LRRC3C: variants seen among roughly 807,000 people sequenced by gnomAD.
LRRC3C encodes the protein leucine-rich repeat-containing protein 3C.
A neutral mutation model predicts 14.8 loss-of-function variants in LRRC3C; 11 were observed. The ratio of observed to expected loss-of-function variants is 0.74; its 90% confidence interval spans 0.47 to 1.23. The LOEUF (loss-of-function observed/expected upper bound fraction) is 1.23. Ranked by LOEUF, LRRC3C falls within the 50% of genes most tolerant of loss-of-function variation. The pLI, the probability that LRRC3C is intolerant of heterozygous loss-of-function variation, is 0.00. For missense variants in LRRC3C, 354 were observed against 361.8 expected (o/e 0.98, Z 0.18); for synonymous variants, 149 against 161.5 (o/e 0.92, Z 0.59).
rs1281268608 is a variant in LRRC3C, at chr17:39,944,304, T to C, written c.398T>C (p.Leu133Pro). Residue 133 changes from leucine to proline, a missense_variant, in exon 4 of 4, where the codon CTC becomes CCC. By Grantham distance (98) the Leu-to-Pro change is moderately conservative. Coordinates refer to ENST00000377924, the MANE Select transcript of LRRC3C (RefSeq NM_001195545.2). ...FQGLEGTLRH[L>P]DLSANQLASV... The stretch of plus-strand genomic sequence containing the variant: ...GGCCTGGAGGGCACATTGCGCCACC[T>C]CGACCTCTCTGCCAACCAGCTGGCC... 1 of 1,535,544 alleles carries C rather than the reference T, an allele frequency of 6.5e-7. No homozygotes were observed. The highest frequency in any genetic ancestry group is 2.0e-5 in the Admixed American group (1 of 50,862).
intron 1 of LRRC3C, among the ~76,000 whole-genome samples, chr17:39,931,537 C>T (rs916793499): frequency 1.3e-5 from 2 of 149,690 alleles, no homozygotes; most frequent in African/African-American, 2.5e-5. Flanking sequence ...GCATTTGCTT[C>T]GAAATAATCT....
At chr17:39,927,965 C>A in intron 1 of LRRC3C, 151 bp downstream of exon 1, 2 of 743,642 alleles carry the variant, frequency 2.7e-6, no homozygotes, top group Non-Finnish European at 3.3e-6. Flanking sequence ...ATATTCTGAC[C>A]CCAACTGCAG....
intron 2 of LRRC3C, among the ~76,000 whole-genome samples, chr17:39,936,704 C>T: frequency 6.6e-6 from 1 of 150,802 alleles, no homozygotes; most frequent in Non-Finnish European, 1.5e-5. Context: ...TGGTTGTAAT[C>T]CCTTGGGAGG....
intron 3 of LRRC3C, among the ~76,000 whole-genome samples, chr17:39,942,952 A>C (rs1012993009): frequency 2.6e-5 from 4 of 152,160 alleles, no homozygotes; most frequent in African/African-American, 9.7e-5. Context: ...GAGTTCTGGG[A>C]AGCAGTTTCA....
intron 1 of LRRC3C, among the ~76,000 whole-genome samples, chr17:39,930,069 A>G (rs1056751659): frequency 5.9e-5 from 9 of 151,850 alleles, no homozygotes; most frequent in Admixed American, 3.3e-4. Flanking sequence ...GCTTGTGTCC[A>G]GGAGTTCGAG....
intron 2 of LRRC3C, among the ~76,000 whole-genome samples, chr17:39,941,023 C>T (rs1049171989): frequency 8.6e-5 from 13 of 151,778 alleles, no homozygotes; most frequent in Admixed American, 1.3e-4. Flanking sequence ...GGATTACAGG[C>T]GTGAGCCACC....
chr17:39,930,396 TAAAAAA>T (rs34932103), intron 1 of LRRC3C, among the ~76,000 whole-genome samples: 1,127 of 48,600 alleles, frequency 0.023, 29 homozygotes, highest in African/African-American at 0.068. Context: ...AAACTGACTT[TAAAAAA>T]AAAAAAAAAA....
chr17:39,941,074 G>A (rs966192603), intron 2 of LRRC3C, among the ~76,000 whole-genome samples: 4 of 151,766 alleles, frequency 2.6e-5, no homozygotes, highest in Non-Finnish European at 5.9e-5. Context: ...TTTCACCTGG[G>A]TGTGGTGGCT....
At chr17:39,941,266 G>A (rs1315098709) in intron 2 of LRRC3C, among the ~76,000 whole-genome samples, 177 bp from the exon 3 acceptor site, 3 of 150,136 alleles carry the variant, frequency 2.0e-5, no homozygotes, top group African/African-American at 4.9e-5. Context: ...CAGGAGAGTC[G>A]TTTTAACCTG....
chr17:39,944,787 T>C lies in LRRC3C; in HGVS notation c.*53T>C, dbSNP rs1001861715. 5 of 1,494,570 alleles carry C rather than the reference T, an allele frequency of 3.3e-6. No homozygotes were observed. The highest frequency in any genetic ancestry group is 4.5e-6 in the Non-Finnish European group (5 of 1,114,476). The allele number at this position is 1,494,570 out of a possible 1,614,324, so 92.6% of individuals were successfully genotyped here. A position where few individuals can be genotyped will look rare whatever the true frequency, so the allele number is the denominator to read the frequency against. On this transcript the variant is annotated 3_prime_UTR_variant, in exon 4 of 4. Transcript: ENST00000377924. ...CCCACACTCCTGCCCCTATGCCCTC[T>C]CCTTTGCTCTGACCCCCTCTGCCTC...
intron 1 of LRRC3C, among the ~76,000 whole-genome samples, chr17:39,931,422 G>A (rs1978647089): frequency 6.8e-6 from 1 of 146,306 alleles, no homozygotes; most frequent in Admixed American, 6.8e-5. Flanking sequence ...CTCCACCCCG[G>A]GTGACAGAGA....
At chr17:39,942,341 G>T (rs62068169) in intron 3 of LRRC3C, among the ~76,000 whole-genome samples, 2 of 152,148 alleles carry the variant, frequency 1.3e-5, no homozygotes, top group Admixed American at 1.3e-4. Flanking sequence ...ATTAGGAGAG[G>T]GTGGTATCAC....
At chr17:39,943,238 C>T (rs1978984060) in intron 3 of LRRC3C, among the ~76,000 whole-genome samples, 1 of 152,182 alleles carries the variant, frequency 6.6e-6, no homozygotes, top group South Asian at 2.1e-4. Flanking sequence ...TCTCCAGAGC[C>T]CAGCAGCAGG....
intron 3 of LRRC3C, 76 bp from the exon 4 acceptor site, chr17:39,943,857 C>A: frequency 6.9e-7 from 1 of 1,439,298 alleles, no homozygotes; most frequent in Non-Finnish European, 9.4e-7. Context: ...AGAGGGACCT[C>A]GGGAGGAGAA....
chr17:39,941,375 G>C, intron 2 of LRRC3C, 68 bp from the exon 3 acceptor site: 2 of 356,422 alleles, frequency 5.6e-6, no homozygotes, highest in Non-Finnish European at 1.0e-5. Flanking sequence ...AAAAAAGGAA[G>C]AAATTCTTAA....
At chr17:39,942,931 G>A (rs1035675378) in intron 3 of LRRC3C, among the ~76,000 whole-genome samples, 2 of 152,224 alleles carry the variant, frequency 1.3e-5, no homozygotes, top group Non-Finnish European at 2.9e-5. Flanking sequence ...CAGGTTCTGG[G>A]TAAGGAAGAG....
intron 1 of LRRC3C, among the ~76,000 whole-genome samples, chr17:39,933,091 A>AGAG (rs1978697121): frequency 2.0e-5 from 3 of 151,760 alleles, no homozygotes; most frequent in African/African-American, 7.3e-5. Context: ...AAGAAAGACA[A>AGAG]CAACAAAAAA....
chr17:39,941,389 GT>G, intron 2 of LRRC3C, 53 bp from the exon 3 acceptor site: 2 of 501,912 alleles, frequency 4.0e-6, no homozygotes, highest in Non-Finnish European at 6.9e-6. Flanking sequence ...TTCTTAACAG[GT>G]TTTTGAAACA....
chr17:39,936,661 A>AC (rs1978805340), intron 2 of LRRC3C, among the ~76,000 whole-genome samples: 1 of 115,238 alleles, frequency 8.7e-6, no homozygotes, highest in East Asian at 2.6e-4. Context: ...AAAAAAAAAA[A>AC]AAAAAATATC....
Sources: gnomAD v4.1 joint callset for allele counts (sites outside exome capture counted in the v4.1 genomes callset) on GRCh38, gnomAD v4.1.1 for gene constraint, MANE v1.5 for transcripts, NCBI Gene and HGNC (gene_info 2026-07-23, HGNC 2026-07-21) for gene names.